NEBL: variants seen among roughly 807,000 people sequenced by gnomAD.
NEBL encodes the protein LIM and SH3 protein 2.
A neutral mutation model predicts 140.2 loss-of-function variants in NEBL; 122 were observed. That is an observed-to-expected ratio of 0.87 (90% confidence interval 0.75 to 1.01). The LOEUF (loss-of-function observed/expected upper bound fraction) is 1.01, where lower values mean the gene tolerates loss of function less well. Ranked by LOEUF, NEBL falls within the 50% of genes least tolerant of loss-of-function variation. The pLI is 0.00. For synonymous variants in NEBL, 436 were observed against 398.9 expected (o/e 1.09, Z -1.11); for missense variants, 1,365 against 1,231.3 (o/e 1.11, Z -1.62).
chr10:21,104,554 C>CAAA (rs1376894438), intron 2 of NEBL, among the ~76,000 whole-genome samples: 2,199 of 152,240 alleles, frequency 0.014, 46 homozygotes, highest in African/African-American at 0.05. Context: ...CATAGAAATG[C>CAAA]AAATGATTTT....
At chr10:20,887,009 T>A (rs190047287) in intron 4 of NEBL, among the ~76,000 whole-genome samples, 3 of 152,262 alleles carry the variant, frequency 2.0e-5, no homozygotes, top group Admixed American at 2.0e-4. Context: ...AGGTCCCTGC[T>A]CTCACGTAGC....
chr10:21,196,768 T>A (rs909766561), intron 3 of NEBL, among the ~76,000 whole-genome samples: 3 of 152,226 alleles, frequency 2.0e-5, no homozygotes, highest in African/African-American at 7.2e-5. Context: ...TTCTGAACAA[T>A]TCATTTGACA....
intron 3 of NEBL, among the ~76,000 whole-genome samples, chr10:21,244,992 A>T (rs899589180): frequency 7.5e-6 from 1 of 133,276 alleles, no homozygotes; most frequent in Admixed American, 7.6e-5. Context: ...TGCTGTCTCT[A>T]AAAAAAAAAA....
intron 4 of NEBL, among the ~76,000 whole-genome samples, chr10:20,944,876 T>C (rs893454077): frequency 1.3e-5 from 2 of 152,146 alleles, no homozygotes; most frequent in African/African-American, 2.4e-5. Context: ...GCCATAATCA[T>C]ACCCGGCTCA....
intron 2 of NEBL, among the ~76,000 whole-genome samples, chr10:21,051,662 A>C (rs1205237290): frequency 6.6e-6 from 1 of 152,010 alleles, no homozygotes; most frequent in East Asian, 1.9e-4. Context: ...ATTCCCTAAC[A>C]ATAATCACTT....
At chr10:20,870,164 T>C (rs974514860) in intron 5 of NEBL, among the ~76,000 whole-genome samples, 2 of 151,310 alleles carry the variant, frequency 1.3e-5, no homozygotes, top group African/African-American at 4.9e-5. Context: ...CCATCTCTAC[T>C]AAAAATACAA....
chr10:21,125,931 C>T, intron 2 of NEBL: 1 of 1,614,232 alleles, frequency 6.2e-7, no homozygotes, highest in Non-Finnish European at 8.5e-7. Context: ...GTCCCAGAGA[C>T]AGCCTTGGGG....
intron 4 of NEBL, among the ~76,000 whole-genome samples, chr10:20,944,686 T>C (rs938903528): frequency 6.6e-6 from 1 of 152,350 alleles, no homozygotes; most frequent in African/African-American, 2.4e-5. Flanking sequence ...GAGCACACCA[T>C]TGCCCAATTT....
upstream of NEBL, among the ~76,000 whole-genome samples, chr10:20,901,409 C>T (rs181951359): frequency 2.0e-5 from 3 of 152,214 alleles, 1 homozygote; most frequent in Admixed American, 2.0e-4. Context: ...TCCTTGAGGT[C>T]GCCTATGACA....
At chr10:21,203,653 T>G (rs1012460208) in intron 3 of NEBL, among the ~76,000 whole-genome samples, 3 of 152,228 alleles carry the variant, frequency 2.0e-5, no homozygotes, top group Non-Finnish European at 4.4e-5. Flanking sequence ...GCAACAGGTC[T>G]GAATGCAACC....
At chr10:21,125,944 T>C in intron 2 of NEBL, 14 of 1,614,212 alleles carry the variant, frequency 8.7e-6, no homozygotes, top group Non-Finnish European at 1.1e-5. Flanking sequence ...CCTTGGGGAC[T>C]TGGCCCAGTT....
intron 2 of NEBL, among the ~76,000 whole-genome samples, chr10:21,120,393 CATATATAT>C (rs1201775144): frequency 1.8e-4 from 11 of 59,536 alleles, no homozygotes; most frequent in Non-Finnish European, 2.6e-4. Flanking sequence ...AAAAAAAATA[CATATATAT>C]ATATATATAT....
At chr10:21,203,564 T>C (rs1437191423) in intron 3 of NEBL, among the ~76,000 whole-genome samples, 1 of 152,158 alleles carries the variant, frequency 6.6e-6, no homozygotes, top group Non-Finnish European at 1.5e-5. Context: ...GTAACTGGAA[T>C]AGACGAGTGG....
rs1843201019 is a variant in NEBL, at chr10:20,857,528, A to T, written c.903+712T>A. 2.6e-5 allele frequency among the ~76,000 whole-genome samples: 4 copies of T among 152,350 alleles called. No individual in the cohort carries two copies. The South Asian group carries it at 8.3e-4, about 32-fold the overall frequency. On this transcript the variant is annotated intron_variant, in intron 9 of 27. Coordinates refer to ENST00000377122, the MANE Select transcript of NEBL (RefSeq NM_006393.3). ...TATGGAAATAACTTATGGTCAAATA[A>T]GAGCTCATTGCCACCATGAGATGTA...
At chr10:21,259,053 G>A (rs1346684568) in intron 1 of NEBL, among the ~76,000 whole-genome samples, 5 of 150,806 alleles carry the variant, frequency 3.3e-5, no homozygotes, top group Non-Finnish European at 2.9e-5. Flanking sequence ...GATACTTGGG[G>A]AAAAAAAGAC....
chr10:20,795,296 G>C (rs147076965), intron 26 of NEBL, among the ~76,000 whole-genome samples: 11 of 152,154 alleles, frequency 7.2e-5, no homozygotes, highest in Admixed American at 2.0e-4. Context: ...AGCCAGGCTT[G>C]TTAGGCTCAT....
Position 21,173,888 on chromosome 10 carries a change from T to A in NEBL, c.-55A>T, listed in dbSNP as rs1841200809. On this transcript the variant is annotated 5_prime_UTR_variant, in exon 1 of 7. Transcript: ENST00000417816. This position sits in a 1 kb window ranked among gnomAD's most constrained non-coding sequence, Gnocchi z 5.7. ...GCGGCTGCTGGCTCCCAGGAGCCGC[T>A]GTGACATCCCCCGGCGAGCCCCGCA... 3.1e-6 allele frequency: 5 copies of A among 1,596,612 alleles called. No homozygotes were observed. In the East Asian group the frequency reaches 1.1e-4, roughly 36 times the overall value.
chr10:20,908,866 T>C (rs904129184), intron 4 of NEBL, among the ~76,000 whole-genome samples: 3 of 152,208 alleles, frequency 2.0e-5, no homozygotes, highest in Non-Finnish European at 4.4e-5. Context: ...AGTTATGCCC[T>C]GCTGCTATTC....
intron 1 of NEBL, among the ~76,000 whole-genome samples, chr10:21,279,101 G>A (rs1842959196): frequency 6.6e-6 from 1 of 152,154 alleles, no homozygotes; most frequent in South Asian, 2.1e-4. Context: ...TACTATTTAG[G>A]CTCTACACAT....
Sources: allele counts gnomAD v4.1 joint callset (sites outside exome capture counted in the v4.1 genomes callset), GRCh38; gene constraint gnomAD v4.1.1; non-coding constraint Gnocchi (gnomAD v3.1); transcripts MANE v1.5; gene names NCBI Gene and HGNC (gene_info 2026-07-23, HGNC 2026-07-21).